MACROD2: variants seen among roughly 807,000 people sequenced by gnomAD.
The protein encoded by MACROD2 is ADP-ribose glycohydrolase MACROD2.
MACROD2 carries 36 observed loss-of-function variants against 70.4 expected under a neutral mutation model. The observed-to-expected ratio is 0.51, with a 90% CI of 0.39 to 0.68. The LOEUF (loss-of-function observed/expected upper bound fraction) is 0.68, where lower values mean the gene tolerates loss of function less well. Ranked by LOEUF, MACROD2 falls within the 30% of genes least tolerant of loss-of-function variation. MACROD2 has a pLI of 0.00. For synonymous variants in MACROD2, 172 were observed against 178.8 expected (o/e 0.96, Z 0.30); for missense variants, 496 against 538.4 (o/e 0.92, Z 0.78).
intron 7 of MACROD2, among the ~76,000 whole-genome samples, chr20:15,481,736 A>T (rs1389591542): frequency 6.6e-6 from 1 of 152,188 alleles, no homozygotes; most frequent in East Asian, 1.9e-4. Context: ...TCTGTAGTTT[A>T]ATTTGGGTAT....
At chr20:15,204,799 C>T (rs1238753202) in intron 5 of MACROD2, among the ~76,000 whole-genome samples, 1 of 152,074 alleles carries the variant, frequency 6.6e-6, no homozygotes, top group Non-Finnish European at 1.5e-5. Flanking sequence ...CAGAGAATTT[C>T]TATACTAGAG....
intron 8 of MACROD2, among the ~76,000 whole-genome samples, chr20:15,508,854 A>G (rs1368224805): frequency 6.6e-6 from 1 of 152,218 alleles, no homozygotes; most frequent in African/African-American, 2.4e-5. Context: ...GATGTCCCAG[A>G]TTTGAGGGCA....
At chr20:15,519,705 T>C (rs1282257799) in intron 8 of MACROD2, among the ~76,000 whole-genome samples, 4 of 152,198 alleles carry the variant, frequency 2.6e-5, no homozygotes, top group African/African-American at 9.6e-5. Flanking sequence ...AAGTGCGAAG[T>C]GACCTCAGTT....
At chr20:14,419,526 T>G (rs1184213912) in intron 3 of MACROD2, among the ~76,000 whole-genome samples, 7 of 152,200 alleles carry the variant, frequency 4.6e-5, no homozygotes, top group Admixed American at 6.5e-5. Context: ...TTAGGGAATA[T>G]ATTTCATTTA....
chr20:14,317,665 A>C (rs1462629128), intron 3 of MACROD2, among the ~76,000 whole-genome samples: 2 of 151,662 alleles, frequency 1.3e-5, no homozygotes, highest in Non-Finnish European at 2.9e-5. Flanking sequence ...CCCAACCATA[A>C]TCTTCATGTC....
intron 3 of MACROD2, among the ~76,000 whole-genome samples, chr20:14,157,979 T>C (rs1048422575): frequency 2.6e-5 from 4 of 152,172 alleles, no homozygotes; most frequent in African/African-American, 7.2e-5. Context: ...TTCTATTTTT[T>C]AGATTTTTAA....
At chr20:15,326,586 T>A (rs1282138939) in intron 6 of MACROD2, among the ~76,000 whole-genome samples, 1 of 152,150 alleles carries the variant, frequency 6.6e-6, no homozygotes, top group Non-Finnish European at 1.5e-5. Flanking sequence ...TGCTTCTATC[T>A]GTCTTGGCTA....
chr20:15,289,779 G>A (rs563943439), intron 6 of MACROD2, among the ~76,000 whole-genome samples: 1 of 152,304 alleles, frequency 6.6e-6, no homozygotes, highest in Admixed American at 6.5e-5. Context: ...CAGCCTCAGA[G>A]GACTTTCTGG....
chr20:15,619,237 A>G (rs925001541), intron 8 of MACROD2, among the ~76,000 whole-genome samples: 5 of 152,202 alleles, frequency 3.3e-5, no homozygotes, highest in African/African-American at 1.2e-4. Context: ...CCTAAGCAAG[A>G]AGGAGGTTTG....
intron 7 of MACROD2, among the ~76,000 whole-genome samples, chr20:15,458,476 G>A (rs1301468745): frequency 6.6e-6 from 1 of 151,864 alleles, no homozygotes; most frequent in Admixed American, 6.6e-5. Flanking sequence ...TTGAAAAGCT[G>A]GAGTTAACAC....
intron 5 of MACROD2, among the ~76,000 whole-genome samples, chr20:14,956,796 G>A (rs2074540786): frequency 6.6e-6 from 1 of 152,188 alleles, no homozygotes; most frequent in Admixed American, 6.5e-5. Context: ...TTAGGGGGCA[G>A]TTGGAGATGT....
At chr20:15,033,947 G>A (rs1350511046) in intron 5 of MACROD2, among the ~76,000 whole-genome samples, 8 of 152,100 alleles carry the variant, frequency 5.3e-5, no homozygotes, top group Non-Finnish European at 1.2e-4. Context: ...GAGTTCAGAC[G>A]GCAAATGATA....
rs116446502 is a variant in MACROD2 at position 15,070,303 on chromosome 20, C to A, written c.419-159637C>A. ...TTTACACGTTCCTAGGTAGAAGGAA[C>A]TTGCCATGGGTTTCAGATGAGGGTT... On this transcript the variant is annotated intron_variant, in intron 5 of 17. Coordinates refer to ENST00000684519, the MANE Select transcript of MACROD2 (RefSeq NM_001351661.2). Among the ~76,000 whole-genome samples, 1,337 of 152,172 alleles carry A rather than the reference C, an allele frequency of 8.8e-3. 22 individuals are homozygous for A. The highest frequency in any genetic ancestry group is 0.03 in the African/African-American group (1,259 of 41,486).
chr20:14,577,794 A>AGAGAGAAGAGAAGAG, intron 4 of MACROD2, among the ~76,000 whole-genome samples: 1 of 137,826 alleles, frequency 7.3e-6, no homozygotes. Context: ...AAAGAAAAGG[A>AGAGAGAAGAGAAGAG]AAGAGAAGAG....
At chr20:14,627,561 C>T (rs1984253747) in intron 4 of MACROD2, among the ~76,000 whole-genome samples, 1 of 152,218 alleles carries the variant, frequency 6.6e-6, no homozygotes, top group South Asian at 2.1e-4. Context: ...AAACTTCCTG[C>T]ATAACAAATC....
At position 15,491,357 on chromosome 20, in the gene MACROD2, C is replaced by T. The variant is rs189169091; in HGVS notation, c.572-8417C>T. On this transcript the variant is annotated intron_variant, in intron 7 of 17. Transcript: ENST00000684519. ...TAGAATACAGTGGAGAAGGGGTGATCGCAAGATCAGACATGACACCTCATT... is the reference window on the plus strand; with the variant it reads ...TAGAATACAGTGGAGAAGGGGTGATTGCAAGATCAGACATGACACCTCATT... Among the ~76,000 whole-genome samples the T allele has an allele frequency of 3.3e-5, 5 of 152,260 alleles. No homozygotes were observed. The East Asian group carries it at 9.7e-4, about 29-fold the overall frequency.
At chr20:14,109,915 A>T (rs577062471) in intron 3 of MACROD2, among the ~76,000 whole-genome samples, 1 of 152,016 alleles carries the variant, frequency 6.6e-6, no homozygotes, top group East Asian at 1.9e-4. Flanking sequence ...ACACATAAAA[A>T]AAACACCAAA....
At chr20:14,580,204 A>T (rs1030946731) in intron 4 of MACROD2, among the ~76,000 whole-genome samples, 1 of 152,244 alleles carries the variant, frequency 6.6e-6, no homozygotes, top group Non-Finnish European at 1.5e-5. Context: ...GAAAAATCAC[A>T]GTATTGTATA....
intron 5 of MACROD2, among the ~76,000 whole-genome samples, chr20:15,149,316 G>A (rs574065991): frequency 6.6e-5 from 10 of 152,178 alleles, no homozygotes; most frequent in African/African-American, 1.7e-4. Flanking sequence ...CTATAGCATA[G>A]CCTGCCTTTG....
Sources: gnomAD v4.1 joint callset for allele counts (sites outside exome capture counted in the v4.1 genomes callset) on GRCh38, gnomAD v4.1.1 for gene constraint, MANE v1.5 for transcripts, NCBI Gene and HGNC (gene_info 2026-07-23, HGNC 2026-07-21) for gene names.